The following MYH11 variants were observed in gnomAD, a reference collection of about 807,000 sequenced individuals.
The protein encoded by MYH11 is myosin heavy chain 11.
Under a neutral mutation model 246.6 loss-of-function variants are expected in MYH11, and 80 were observed. The observed-to-expected ratio is 0.32, with a 90% CI of 0.27 to 0.39. The LOEUF (loss-of-function observed/expected upper bound fraction) is 0.39. Ranked by LOEUF, MYH11 falls within the 10% of genes least tolerant of loss-of-function variation. MYH11 has a pLI of 1.00. For synonymous variants in MYH11, 1,071 were observed against 1,015.5 expected (o/e 1.05, Z -1.04); for missense variants, 2,158 against 2,546.8 (o/e 0.85, Z 3.29).
At chr16:15,709,881 A>T (rs1050870516) in intron 40 of MYH11, among the ~76,000 whole-genome samples, 2 of 152,114 alleles carry the variant, frequency 1.3e-5, no homozygotes, top group African/African-American at 4.8e-5. Context: ...CTCTTGCCGG[A>T]GGTAACTGGC....
intron 9 of MYH11, among the ~76,000 whole-genome samples, chr16:15,765,212 A>G (rs950224152): frequency 1.4e-5 from 2 of 146,278 alleles, no homozygotes; most frequent in South Asian, 4.4e-4. Context: ...GGATGGATGG[A>G]TGGGTGGGTA....
At chr16:15,746,555 C>G (rs888667208) in intron 19 of MYH11, among the ~76,000 whole-genome samples, 2 of 152,112 alleles carry the variant, frequency 1.3e-5, no homozygotes, top group Non-Finnish European at 2.9e-5. Flanking sequence ...CAGGGTCCTA[C>G]TGGTGAGGGT....
intron 1 of MYH11, among the ~76,000 whole-genome samples, chr16:15,845,059 G>C (rs932279565): frequency 8.5e-5 from 13 of 152,132 alleles, no homozygotes; most frequent in African/African-American, 3.1e-4. Flanking sequence ...ACGTGACTCT[G>C]CCACTGCAGA....
At chr16:15,770,179 T>C (rs1692933942) in intron 9 of MYH11, among the ~76,000 whole-genome samples, 1 of 152,162 alleles carries the variant, frequency 6.6e-6, no homozygotes, top group Non-Finnish European at 1.5e-5. Context: ...AGCACTAGAT[T>C]CTGATGTGGG....
chr16:15,773,723 C>G (rs1057077780), intron 8 of MYH11, among the ~76,000 whole-genome samples: 5 of 152,178 alleles, frequency 3.3e-5, no homozygotes, highest in Admixed American at 1.3e-4. Context: ...CTCATGGCTG[C>G]TTTCTCACTA....
intron 30 of MYH11, 21 bp from the exon 31 acceptor site, chr16:15,724,430 G>T (rs1239541604): frequency 1.4e-5 from 22 of 1,613,390 alleles, no homozygotes; most frequent in Non-Finnish European, 1.9e-5. Context: ...AGCGTCCAGG[G>T]TAGGGTGAGA....
chr16:15,760,678 A>T lies in MYH11; in HGVS notation c.1130-20T>A. 1 of 1,466,532 alleles carries T rather than the reference A, an allele frequency of 6.8e-7. No individual in the cohort carries two copies. Among genetic ancestry groups the T allele is most frequent in the East Asian group, 2.3e-5 (1 of 44,188 alleles). The allele number at this position is 1,466,532 out of a possible 1,614,324, so 90.8% of individuals were successfully genotyped here. On this transcript the variant is annotated intron_variant, in intron 10 of 40. Coordinates refer to ENST00000300036, the MANE Select transcript of MYH11 (RefSeq NM_002474.3). ...GAGCAGCTGGATGGAGAAAAGAAAC[A>T]TCGTGAGTGCATCACAAAAGAAATA...
At chr16:15,835,375 T>C (rs2043864618) in intron 2 of MYH11, among the ~76,000 whole-genome samples, 1 of 152,236 alleles carries the variant, frequency 6.6e-6, no homozygotes, top group Non-Finnish European at 1.5e-5. Flanking sequence ...AGACAAAGAA[T>C]GCACCGCATC....
At chr16:15,835,879 T>C (rs8062910) in intron 2 of MYH11, among the ~76,000 whole-genome samples, 3,926 of 151,434 alleles carry the variant, frequency 0.026, 171 homozygotes, top group African/African-American at 0.089. Flanking sequence ...TCAGCCTCCC[T>C]GAGTAGCTGG....
At chr16:15,856,548 C>A (rs1313032214) in intron 1 of MYH11, among the ~76,000 whole-genome samples, 2 of 151,890 alleles carry the variant, frequency 1.3e-5, no homozygotes, top group South Asian at 2.1e-4. Context: ...TTGTCTGCAC[C>A]GGACCTCTGA....
chr16:15,831,550 T>C (rs1043720342), intron 2 of MYH11, among the ~76,000 whole-genome samples: 7 of 151,468 alleles, frequency 4.6e-5, no homozygotes, highest in African/African-American at 1.7e-4. Flanking sequence ...GGGCTGCTTT[T>C]TGTGATACAT....
intron 5 of MYH11, chr16:15,786,330 A>G (rs2042468066): frequency 3.9e-6 from 2 of 506,682 alleles, no homozygotes; most frequent in East Asian, 8.0e-5. Context: ...CCAAAATGAC[A>G]TCAGTGCCAC....
At position 15,776,295 on chromosome 16, in the gene MYH11, G is replaced by A. The variant is rs191644745; in HGVS notation, c.791-119C>T. 3.4e-3 allele frequency: 2,600 copies of A among 754,236 alleles called. 15 individuals are homozygous for A. The highest frequency in any genetic ancestry group is 3.6e-3 in the Non-Finnish European group (1,525 of 420,388). 46.7% of individuals were successfully genotyped at this position (754,236 alleles called of 1,614,324 possible). On this transcript the variant is annotated intron_variant, in intron 7 of 40. Transcript: ENST00000300036. ...ACTTTCCAGTTCTACCCCTGGGATC[G>A]GTAATGTCTAACTTTGACCATTGCC...
chr16:15,821,556 G>A (rs2151357305), intron 3 of MYH11, among the ~76,000 whole-genome samples: 1 of 152,132 alleles, frequency 6.6e-6, no homozygotes, highest in Non-Finnish European at 1.5e-5. Context: ...CTTCTCCTTT[G>A]CTAACAGAAT....
chr16:15,784,294 C>T (rs562023016), intron 5 of MYH11, among the ~76,000 whole-genome samples: 1 of 152,134 alleles, frequency 6.6e-6, no homozygotes, highest in Non-Finnish European at 1.5e-5. Context: ...CATCGACTGT[C>T]CATCGAGCCA....
In MYH11 at chr16:15,718,282, G is replaced by A. The variant is rs748554033; in HGVS notation, c.5295+33C>T. The A allele has an allele frequency of 1.6e-5, 25 of 1,606,070 alleles. No homozygotes were observed. In the East Asian group the frequency reaches 4.0e-4, roughly 26 times the overall value. ...GATCCTGCTGCAGGAGAGACAGTAG[G>A]CAGCGTGACTGTGGTGTCCAGGCGG... On this transcript the variant is annotated intron_variant, in intron 37 of 40. Transcript: ENST00000300036.
rs190286747 is a variant in MYH11 at position 15,803,725 on chromosome 16, T to A, written c.503-5038A>T. 2.8e-3 allele frequency among the ~76,000 whole-genome samples: 419 copies of A among 152,258 alleles called. 2 individuals carry two copies. The highest frequency in any genetic ancestry group is 5.3e-3 in the Admixed American group (81 of 15,294). On this transcript the variant is annotated intron_variant, in intron 3 of 40. Coordinates refer to ENST00000300036, the MANE Select transcript of MYH11 (RefSeq NM_002474.3). Reference sequence around the variant, plus strand: ...CACTACTTCAGGGAGAGAGGCAGGCTTTCCTGGCAGCCTTGTGAATCCTAG... The same window carrying A: ...CACTACTTCAGGGAGAGAGGCAGGCATTCCTGGCAGCCTTGTGAATCCTAG...
chr16:15,719,910 C>T (rs1046236374), intron 34 of MYH11, among the ~76,000 whole-genome samples, 197 bp from the exon 35 acceptor site: 2 of 152,176 alleles, frequency 1.3e-5, no homozygotes, highest in African/African-American at 4.8e-5. Context: ...CTCCACAGAC[C>T]TGCCTGAGAA....
intron 3 of MYH11, among the ~76,000 whole-genome samples, chr16:15,802,651 G>A (rs1309989373): frequency 6.6e-6 from 1 of 152,114 alleles, no homozygotes; most frequent in Non-Finnish European, 1.5e-5. Flanking sequence ...GTCTTGCTAT[G>A]TTGCCCAGGC....
Sources: allele counts gnomAD v4.1 joint callset (sites outside exome capture counted in the v4.1 genomes callset), GRCh38; gene constraint gnomAD v4.1.1; transcripts MANE v1.5; gene names NCBI Gene and HGNC (gene_info 2026-07-23, HGNC 2026-07-21).